Variants in SP4 observed in about 807,000 individuals in gnomAD.
The protein encoded by SP4 is transcription factor Sp4.
In SP4, 19 loss-of-function variants were observed where a neutral mutation model predicts 72.8. That is an observed-to-expected ratio of 0.26 (90% CI 0.18 to 0.38). The LOEUF (loss-of-function observed/expected upper bound fraction) is 0.38, where lower values mean the gene tolerates loss of function less well. Among genes scored for constraint, SP4 ranks in the 10% least tolerant of loss-of-function variants. SP4 has a pLI of 1.00. For synonymous variants in SP4, 395 were observed against 333.1 expected, an observed-to-expected ratio of 1.19 and a Z score of -2.02; for missense variants, 1,008 against 926.3, an observed-to-expected ratio of 1.09 and a Z score of -1.14.
intron 3 of SP4, among the ~76,000 whole-genome samples, chr7:21,445,145 A>G (rs529483446): frequency 1.3e-5 from 2 of 152,336 alleles, no homozygotes; most frequent in Admixed American, 6.5e-5. Context: ...TATAAGCGCA[A>G]TAAGAGTATG....
At chr7:21,431,550 A>T (rs1429620757) in intron 3 of SP4, among the ~76,000 whole-genome samples, 1 of 152,246 alleles carries the variant, frequency 6.6e-6, no homozygotes, top group East Asian at 1.9e-4. Context: ...AGCAATGAAA[A>T]ATGTTGACAG....
intron 5 of SP4, among the ~76,000 whole-genome samples, chr7:21,482,358 C>G (rs937853411): frequency 2.0e-5 from 3 of 152,030 alleles, no homozygotes; most frequent in Non-Finnish European, 4.4e-5. Flanking sequence ...GGAATTTATT[C>G]CATTTGTTTA....
chr7:21,452,719 A>G (rs1053899549), intron 3 of SP4, among the ~76,000 whole-genome samples: 4 of 152,136 alleles, frequency 2.6e-5, no homozygotes, highest in African/African-American at 9.7e-5. Context: ...TAGTTTCCAA[A>G]TTCTGCAGAA....
At chr7:21,455,896 A>G (rs1315899140) in intron 3 of SP4, among the ~76,000 whole-genome samples, 1 of 152,212 alleles carries the variant, frequency 6.6e-6, no homozygotes, top group East Asian at 1.9e-4. Context: ...TTCTTTAAGT[A>G]GATGAGAAGC....
At chr7:21,456,248 C>T (rs953513772) in intron 3 of SP4, among the ~76,000 whole-genome samples, 1 of 152,184 alleles carries the variant, frequency 6.6e-6, no homozygotes, top group Non-Finnish European at 1.5e-5. Flanking sequence ...TGGGTAAGGT[C>T]TTTAAAGGGC....
intron 5 of SP4, 40 bp from the exon 6 acceptor site, chr7:21,510,982 G>A (rs763231090): frequency 5.8e-6 from 9 of 1,548,758 alleles, no homozygotes; most frequent in Non-Finnish European, 7.0e-6. Flanking sequence ...TTTCACTTAA[G>A]CAAAATGTGT....
chr7:21,498,751 T>C (rs1217750249), intron 5 of SP4, among the ~76,000 whole-genome samples: 1 of 152,180 alleles, frequency 6.6e-6, no homozygotes, highest in Admixed American at 6.5e-5. Flanking sequence ...TTTTGCATGT[T>C]ATATGTATAA....
chr7:21,430,272 G>C lies in SP4; in HGVS notation c.1107G>C (p.Glu369Asp). The C allele has an allele frequency of 1.2e-6, 2 of 1,614,242 alleles. No individual in the cohort carries two copies. The highest frequency in any genetic ancestry group is 1.7e-6 in the Non-Finnish European group (2 of 1,180,048). Residue 369 changes from glutamate (E) to aspartate (D), a missense_variant, in exon 3 of 6, where the codon GAG (glutamate) becomes GAC (aspartate). Around this residue, in one of 3 missense-constraint regions of SP4, gnomAD observed 893 missense variants for 743.3 expected, o/e 1.20. Coordinates refer to ENST00000222584, the MANE Select transcript of SP4 (RefSeq NM_003112.5). ...AATCTCAAACACCTGCTGCTACTGAGTCTGAAGCCCAGAGCTCCAGTCAGC... is the reference window on the plus strand; with the variant it reads ...AATCTCAAACACCTGCTGCTACTGACTCTGAAGCCCAGAGCTCCAGTCAGC... ...IEESQTPAAT[E>D]SEAQSSSQLQ... is the part of the protein sequence containing the mutation.
intron 3 of SP4, among the ~76,000 whole-genome samples, chr7:21,449,774 C>G (rs1395907711): frequency 2.0e-5 from 3 of 152,066 alleles, no homozygotes; most frequent in Non-Finnish European, 4.4e-5. Context: ...ATTGGCAAAC[C>G]AGGATAACCT....
chr7:21,450,718 T>C, intron 3 of SP4, among the ~76,000 whole-genome samples: 1 of 152,204 alleles, frequency 6.6e-6, no homozygotes, highest in East Asian at 1.9e-4. Flanking sequence ...GGAAAATCTT[T>C]CATATACTAC....
At chr7:21,432,487 C>T (rs181286530) in intron 3 of SP4, among the ~76,000 whole-genome samples, 21 of 152,282 alleles carry the variant, frequency 1.4e-4, no homozygotes, top group African/African-American at 5.1e-4. Flanking sequence ...TAGAAGTAAT[C>T]AATTTTTCTG....
chr7:21,443,631 G>C (rs1783329147), intron 3 of SP4, among the ~76,000 whole-genome samples: 1 of 152,202 alleles, frequency 6.6e-6, no homozygotes, highest in Non-Finnish European at 1.5e-5. Context: ...GAACGAGATA[G>C]TGATCTGTGC....
rs1361180012 is a variant in SP4, at chr7:21,511,175, T to C, written c.2261T>C (p.Val754Ala). 6.2e-6 allele frequency: 10 copies of C among 1,614,126 alleles called. 1 individual carries two copies. In the South Asian group the frequency reaches 1.1e-4, roughly 18 times the overall value. ...SGELDSSVTE[V>A]LGSPRIVTVA... is the part of the protein sequence containing the mutation. ...GAACTGGACTCATCTGTTACAGAGG[T>C]GCTTGGCTCCCCAAGAATTGTCACA... Residue 754 changes from valine (V) to alanine (A), a missense_variant, in exon 6 of 6, where the codon GTG (valine) becomes GCG (alanine). Physicochemically the swap from Val to Ala is moderately conservative, Grantham distance 64 (BLOSUM62 0). Transcript: ENST00000222584.
intron 3 of SP4, among the ~76,000 whole-genome samples, chr7:21,452,791 T>TC (rs1783640307): frequency 6.6e-6 from 1 of 151,730 alleles, no homozygotes; most frequent in South Asian, 2.1e-4. Flanking sequence ...TTATTTTTTT[T>TC]TTTTTTTTTG....
intron 3 of SP4, among the ~76,000 whole-genome samples, chr7:21,457,358 A>G (rs1279857293): frequency 6.6e-6 from 1 of 152,164 alleles, no homozygotes. Flanking sequence ...ATGGTTCGTT[A>G]TACTACCTCT....
intron 5 of SP4, among the ~76,000 whole-genome samples, chr7:21,507,407 C>G (rs1782026499): frequency 6.6e-6 from 1 of 152,194 alleles, no homozygotes; most frequent in African/African-American, 2.4e-5. Context: ...GTGTCCAGGT[C>G]TTTCCTCCTC....
chr7:21,490,408 A>T lies in SP4; in HGVS notation c.2107+8285A>T, dbSNP rs1583438790. Among the ~76,000 whole-genome samples the T allele has an allele frequency of 3.3e-5, 5 of 152,324 alleles. No homozygotes were observed. In the East Asian group the frequency reaches 9.7e-4, roughly 29 times the overall value. On this transcript the variant is annotated intron_variant, in intron 5 of 5. Coordinates refer to ENST00000222584, the MANE Select transcript of SP4 (RefSeq NM_003112.5). Reference sequence around the variant, plus strand: ...GCAGCTTAGGCACCAAAAAATCTCTAGAAAATACCCATATCTCTGGCTAGG... The same window carrying T: ...GCAGCTTAGGCACCAAAAAATCTCTTGAAAATACCCATATCTCTGGCTAGG...
chr7:21,432,335 G>A (rs1007797379), intron 3 of SP4, among the ~76,000 whole-genome samples: 3 of 152,158 alleles, frequency 2.0e-5, no homozygotes, highest in African/African-American at 7.2e-5. Flanking sequence ...GACAATAATT[G>A]TAGTATTTCA....
chr7:21,445,982 ATGTGTATGTG>A (rs1398293705), intron 3 of SP4, among the ~76,000 whole-genome samples: 2,024 of 100,918 alleles, frequency 0.02, 54 homozygotes, highest in African/African-American at 0.076. Flanking sequence ...TGTGTATCTT[ATGTGTATGTG>A]TGTGTGTGTG....
Sources: gnomAD v4.1 joint callset for allele counts (sites outside exome capture counted in the v4.1 genomes callset) on GRCh38, gnomAD v4.1.1 for gene constraint, gnomAD v4.1.1 regional missense constraint, MANE v1.5 for transcripts, NCBI Gene and HGNC (gene_info 2026-07-23, HGNC 2026-07-21) for gene names.